The following AHNAK variants were observed in gnomAD, a reference collection of about 807,000 sequenced individuals.
The protein encoded by AHNAK is neuroblast differentiation-associated protein AHNAK.
Under a neutral mutation model 37.8 loss-of-function variants are expected in AHNAK, and 23 were observed. The observed-to-expected ratio is 0.61, with a 90% CI of 0.44 to 0.86. AHNAK has a LOEUF of 0.86. Ranked by LOEUF, AHNAK falls within the 40% of genes least tolerant of loss-of-function variation. The pLI is 0.00. For synonymous variants in AHNAK, 2,481 were observed against 2,636.3 expected (o/e 0.94, Z 1.80); for missense variants, 7,411 against 7,319.4 (o/e 1.01, Z -0.46).
rs1260511184 is a variant in AHNAK, at chr11:62,520,192, G to A, written c.14225C>T (p.Thr4742Ile). 6.2e-6 allele frequency: 10 copies of A among 1,613,478 alleles called. No individual in the cohort carries two copies. The highest frequency in any genetic ancestry group is 1.1e-5 in the South Asian group (1 of 91,050). The change falls in exon 5 of 5, where the codon ACC becomes ATC. Residue 4742 changes from threonine to isoleucine, a missense_variant. Physicochemically the swap from Thr to Ile is moderately conservative, Grantham distance 89. Transcript: ENST00000378024. ...GAGGTCACCTTCCACTTTAGGAAGGGTAACATCCACATCGCCCTTCACTTT... is the reference window on the plus strand; with the variant it reads ...GAGGTCACCTTCCACTTTAGGAAGGATAACATCCACATCGCCCTTCACTTT... ...GPKVKGDVDV[T>I]LPKVEGDLKG...
rs1410072249 is a variant in AHNAK, at chr11:62,529,757, T to A, written c.4660A>T (p.Asn1554Tyr). Reference sequence around the variant, plus strand: ...AGTTTCCCCTCTGGAGCTTCAAGATTCACATCTGGAACATCAATGTCCACC... The same window carrying A: ...AGTTTCCCCTCTGGAGCTTCAAGATACACATCTGGAACATCAATGTCCACC... The part of the protein sequence containing the change: ...PKVDIDVPDV[N>Y]LEAPEGKLKG... Residue 1554 changes from asparagine (N) to tyrosine (Y), a missense_variant, in exon 5 of 5, where the codon AAT becomes TAT. Physicochemically the swap from Asn to Tyr is moderately radical, Grantham distance 143. Transcript: ENST00000378024. The A allele has an allele frequency of 6.2e-7, 1 of 1,614,174 alleles. No individual in the cohort carries two copies. The highest frequency in any genetic ancestry group is 8.5e-7 in the Non-Finnish European group (1 of 1,180,030).
At chr11:62,501,262 T>C (rs1939707336) in intron 4 of AHNAK, among the ~76,000 whole-genome samples, 1 of 151,848 alleles carries the variant, frequency 6.6e-6, no homozygotes, top group South Asian at 2.1e-4. Context: ...ATGCCTCAAA[T>C]TCTACATTCT....
chr11:62,520,051 C>A lies in AHNAK; in HGVS notation c.14366G>T (p.Ser4789Ile), dbSNP rs781137463. ...ACCTTCTCCTTTGAAGCCAGGCATG[C>A]TGAATTTGGGCATTTTCACCTTGGG... The part of the protein sequence containing the change: ...KMPKVKMPKF[S>I]MPGFKGEGPD... Residue 4789 changes from serine to isoleucine, a missense_variant, in exon 5 of 5, where the codon AGC becomes ATC. By Grantham distance (142) the Ser-to-Ile change is moderately radical. Coordinates refer to ENST00000378024, the MANE Select transcript of AHNAK (RefSeq NM_001620.3). The A allele has an allele frequency of 1.9e-5, 30 of 1,613,012 alleles. 1 individual carries two copies. Among genetic ancestry groups the A allele is most frequent in the Non-Finnish European group, 7.6e-6 (9 of 1,179,830 alleles).
Position 62,523,342 on chromosome 11 carries a change from G to A in AHNAK, c.11075C>T (p.Ser3692Phe). 6.2e-7 allele frequency: 1 copy of A among 1,613,062 alleles called. No individual in the cohort carries two copies. Among genetic ancestry groups the A allele is most frequent in the South Asian group, 1.1e-5 (1 of 90,918 alleles). The change falls in exon 5 of 5, where the codon TCT (serine) becomes TTT (phenylalanine). Residue 3692 changes from serine (S) to phenylalanine (F), a missense_variant. Physicochemically the swap from Ser to Phe is radical, Grantham distance 155. Transcript: ENST00000378024. ...GPKMKGDVVV[S>F]LPKVEGDLKG... ...TAGATCACCTTCCACTTTGGGCAAA[G>A]ACACAACCACATCACCCTTCATTTT...
rs568310094 is a variant in AHNAK, at chr11:62,516,951, G to A, written c.17466C>T (p.Phe5822=). The part of the protein sequence containing the change: ...KVKGKHGKLK[F]GTFGGLGSKS... Reference sequence around the variant, plus strand: ...TTGACCCCAATCCACCAAAGGTACCGAATTTCAGCTTCCCGTGTTTCCCTT... The same window carrying A: ...TTGACCCCAATCCACCAAAGGTACCAAATTTCAGCTTCCCGTGTTTCCCTT... The change falls in exon 5 of 5, where the codon TTC becomes TTT. Residue 5822 remains phenylalanine, a synonymous_variant. Transcript: ENST00000378024. 1.0e-4 allele frequency: 169 copies of A among 1,614,128 alleles called. 4 individuals are homozygous for A. The South Asian group carries it at 1.7e-3, about 16-fold the overall frequency.
Position 62,519,207 on chromosome 11 carries a change from T to A in AHNAK, c.15210A>T (p.Ala5070=), listed in dbSNP as rs771201680. ...VDVNIAGPDA[A]LKVDVKSPKT... ...TGGGCGATTTCACGTCGACTTTGAG[T>A]GCAGCATCCGGCCCTGCGATGTTGA... Residue 5070 remains alanine, a synonymous_variant, in exon 5 of 5, where the codon GCA becomes GCT. Coordinates refer to ENST00000378024, the MANE Select transcript of AHNAK (RefSeq NM_001620.3). 6.2e-7 allele frequency: 1 copy of A among 1,613,336 alleles called. No individual in the cohort carries two copies. Among genetic ancestry groups the A allele is most frequent in the African/African-American group, 1.3e-5 (1 of 74,964 alleles).
Position 62,521,338 on chromosome 11 carries a change from C to G in AHNAK, c.13079G>C (p.Ser4360Thr). 3 of 1,610,310 alleles carry G rather than the reference C, an allele frequency of 1.9e-6. No homozygotes were observed. Among genetic ancestry groups the G allele is most frequent in the Non-Finnish European group, 2.5e-6 (3 of 1,178,922 alleles). Residue 4360 changes from serine (S) to threonine (T), a missense_variant, in exon 5 of 5, where the codon AGT (serine) becomes ACT (threonine). Physicochemically the swap from Ser to Thr is moderately conservative, Grantham distance 58. Transcript: ENST00000378024. ...GAGTTTTGCATCTGGACCTTCGATA[C>G]TGACATCAGGGGCATCAATGTCCAC... is the stretch of plus-strand genomic sequence containing the variant. ...PKVDIDAPDV[S>T]IEGPDAKLKG...
intron 5 of AHNAK, among the ~76,000 whole-genome samples, chr11:62,437,224 T>C (rs1415973216): frequency 6.6e-6 from 1 of 152,238 alleles, no homozygotes; most frequent in Non-Finnish European, 1.5e-5. Context: ...AGTACTCTTA[T>C]ATGAATAGAT....
At position 62,498,314 on chromosome 11, in the gene AHNAK, G is replaced by A. The variant is rs556376857; in HGVS notation, c.343-6483C>T. On this transcript the variant is annotated intron_variant, in intron 4 of 5. Coordinates refer to the AHNAK transcript ENST00000257247. ...TGAAGCTAATGGTTATCACTAAGAA[G>A]GAGCACGCAAGTGTGTTTGGAACAA... 2.6e-5 allele frequency among the ~76,000 whole-genome samples: 4 copies of A among 152,176 alleles called. No homozygotes were observed. In the South Asian group the frequency reaches 8.3e-4, roughly 32 times the overall value.
intron 5 of AHNAK, among the ~76,000 whole-genome samples, chr11:62,461,143 C>CTTTTTTTTTTTTTTT (rs71056521): frequency 1.3e-5 from 1 of 79,838 alleles, no homozygotes; most frequent in Non-Finnish European, 2.3e-5. Flanking sequence ...CCAAATTCCC[C>CTTTTTTTTTTTTTTT]TTTTTTTTTT....
Position 62,519,251 on chromosome 11 carries a change from T to G in AHNAK, c.15166A>C (p.Lys5056Gln). The G allele has an allele frequency of 3.1e-6, 5 of 1,614,150 alleles. No homozygotes were observed. Among genetic ancestry groups the G allele is most frequent in the Non-Finnish European group, 4.2e-6 (5 of 1,180,026 alleles). The change falls in exon 5 of 5, where the codon AAG becomes CAG. Residue 5056 changes from lysine to glutamine, a missense_variant. Coordinates refer to ENST00000378024, the MANE Select transcript of AHNAK (RefSeq NM_001620.3). ...ATGTTGACATCTACATCCGGAGCCT[T>G]GAGGCTGGCATCAATTTCACCCCCA... ...VPGGEIDASL[K>Q]APDVDVNIAG...
chr11:62,516,063 T>C lies in AHNAK; in HGVS notation c.*681A>G, dbSNP rs1683772112. On this transcript the variant is annotated 3_prime_UTR_variant, in exon 5 of 5. Transcript: ENST00000378024. ...GAACATGGCGGCATGAAGGAAACAGTTCCCTTACAAAACACAGAAAATGGA... is the reference window on the plus strand; with the variant it reads ...GAACATGGCGGCATGAAGGAAACAGCTCCCTTACAAAACACAGAAAATGGA... The C allele has an allele frequency of 1.6e-6, 2 of 1,212,964 alleles. No individual in the cohort carries two copies. Among genetic ancestry groups the C allele is most frequent in the Admixed American group, 6.3e-5 (2 of 31,894 alleles). 75.1% of individuals were successfully genotyped at this position (1,212,964 alleles called of 1,614,324 possible). A position where few individuals can be genotyped will look rare whatever the true frequency, so the allele number is the denominator to read the frequency against.
chr11:62,515,817 G>T, downstream of AHNAK: 1 of 926,646 alleles, frequency 1.1e-6, no homozygotes. Context: ...GCCACCAGAT[G>T]GATCCGGTCT....
intron 5 of AHNAK, among the ~76,000 whole-genome samples, chr11:62,436,232 GT>G (rs1938168719): frequency 6.6e-6 from 1 of 152,160 alleles, no homozygotes. Flanking sequence ...TCATGTTTTT[GT>G]TTTGAAGAAG....
intron 5 of AHNAK, among the ~76,000 whole-genome samples, chr11:62,473,626 A>G (rs192389101): frequency 1.3e-5 from 2 of 151,948 alleles, no homozygotes; most frequent in Non-Finnish European, 2.9e-5. Flanking sequence ...CAGAGCTTGC[A>G]GTGAGCCAAG....
chr11:62,449,609 C>A (rs1056860544), intron 5 of AHNAK, among the ~76,000 whole-genome samples: 2 of 152,212 alleles, frequency 1.3e-5, no homozygotes, highest in Admixed American at 1.3e-4. Flanking sequence ...TTTATTAGTC[C>A]AGCTCACTGG....
At chr11:62,511,120 C>G (rs1168989044), downstream of AHNAK, among the ~76,000 whole-genome samples, 1 of 152,100 alleles carries the variant, frequency 6.6e-6, no homozygotes, top group Non-Finnish European at 1.5e-5. Context: ...AACAGTGCAG[C>G]CTTTGCTCAA....
intron 4 of AHNAK, among the ~76,000 whole-genome samples, chr11:62,492,510 C>T (rs949690548): frequency 1.3e-5 from 2 of 152,122 alleles, no homozygotes; most frequent in Non-Finnish European, 2.9e-5. Flanking sequence ...ACTATGGTTG[C>T]CATCAGTGTT....
intron 5 of AHNAK, among the ~76,000 whole-genome samples, chr11:62,489,848 C>A (rs994009577): frequency 5.3e-5 from 8 of 152,046 alleles, no homozygotes; most frequent in African/African-American, 1.4e-4. Context: ...GAGGGGAGCC[C>A]ATAAAGGGCC....
Sources: allele counts gnomAD v4.1 joint callset (sites outside exome capture counted in the v4.1 genomes callset), GRCh38; gene constraint gnomAD v4.1.1; transcripts MANE v1.5; gene names NCBI Gene and HGNC (gene_info 2026-07-23, HGNC 2026-07-21).